PRKCD: variants seen among roughly 807,000 people sequenced by gnomAD.
The protein encoded by PRKCD is protein kinase C delta type.
Under a neutral mutation model 82.2 loss-of-function variants are expected in PRKCD, and 20 were observed. That is an observed-to-expected ratio of 0.24 (90% confidence interval 0.17 to 0.35). The LOEUF (loss-of-function observed/expected upper bound fraction) is 0.35, where lower values mean the gene tolerates loss of function less well. Ranked by LOEUF, PRKCD falls within the 10% of genes least tolerant of loss-of-function variation. PRKCD has a pLI of 1.00. For missense variants in PRKCD, 607 were observed against 899.0 expected, an observed-to-expected ratio of 0.68 and a Z score of 4.15; for synonymous variants, 317 against 337.0, an observed-to-expected ratio of 0.94 and a Z score of 0.65.
intron 7 of PRKCD, chr3:53,182,043 G>A (rs1436816183): frequency 3.8e-6 from 2 of 526,486 alleles, no homozygotes; most frequent in East Asian, 8.7e-5. Context: ...CCTCGGAGAG[G>A]CAATGATAGG....
chr3:53,189,165 T>A lies in PRKCD; in HGVS notation c.1662T>A (p.Asp554Glu). Residue 554 changes from aspartate (D) to glutamate (E), a missense_variant, in exon 17 of 19, where the codon GAT (aspartate) becomes GAA (glutamate). By Grantham distance (45) the Asp-to-Glu change is conservative. Transcript: ENST00000330452. ...GQSPFHGDDE[D>E]ELFESIRVDT... ...CCCCCTTCCATGGTGATGATGAGGA[T>A]GAACTCTTCGAGTCCATCCGTGTGG... is the stretch of plus-strand genomic sequence containing the variant. The A allele has an allele frequency of 6.2e-7, 1 of 1,614,162 alleles. No individual in the cohort carries two copies. The highest frequency in any genetic ancestry group is 8.5e-7 in the Non-Finnish European group (1 of 1,180,028).
rs782642410 is a variant in PRKCD at position 53,181,283 on chromosome 3, G to A, written c.376+16G>A. ...GAGGACGTGGGTAAGAACTCCCTGG[G>A]GGTGGAGGGCTCCCTTGCCGGGTTC... On this transcript the variant is annotated intron_variant, in intron 5 of 18. Coordinates refer to ENST00000330452, the MANE Select transcript of PRKCD (RefSeq NM_006254.4). 1 of 1,613,462 alleles carries A rather than the reference G, an allele frequency of 6.2e-7. No individual in the cohort carries two copies. Among genetic ancestry groups the A allele is most frequent in the South Asian group, 1.1e-5 (1 of 90,998 alleles).
chr3:53,184,196 G>A (rs560108337), intron 9 of PRKCD, among the ~76,000 whole-genome samples: 5 of 152,064 alleles, frequency 3.3e-5, no homozygotes, highest in South Asian at 2.1e-4. Context: ...TTAGCCTGGC[G>A]TGGTGGCGGG....
rs1703617550 is a variant in PRKCD at position 53,184,962 on chromosome 3, C to T, written c.876C>T (p.Asn292=). The T allele has an allele frequency of 3.1e-6, 5 of 1,613,892 alleles. No individual in the cohort carries two copies. The South Asian group carries it at 5.5e-5, about 18-fold the overall frequency. Residue 292 remains asparagine, a synonymous_variant, in exon 10 of 19, where the codon AAC becomes AAT. Coordinates refer to ENST00000330452, the MANE Select transcript of PRKCD (RefSeq NM_006254.4). The stretch of plus-strand genomic sequence containing the variant: ...AGAAGCTTTTGGCTGAGGCCTTGAA[C>T]CAAGTCACCCAGGTGGGCAGGTGCC... ...INQKLLAEAL[N]QVTQRASRRS...
chr3:53,169,772 C>T lies in PRKCD; in HGVS notation c.-20+4557C>T, dbSNP rs960183882. Among the ~76,000 whole-genome samples, 1 of 152,210 alleles carries T rather than the reference C, an allele frequency of 6.6e-6. No homozygotes were observed. The highest frequency in any genetic ancestry group is 6.5e-5 in the Admixed American group (1 of 15,286). ...GCTTCAGCCCAGTTCTGCCCAGAGC[C>T]TCAGGCCAGAACAGGGCACCCTGCG... On this transcript the variant is annotated intron_variant, in intron 2 of 18. Transcript: ENST00000330452. This position sits in a 1 kb window ranked among gnomAD's most constrained non-coding sequence, Gnocchi z 4.7.
chr3:53,171,521 G>T (rs782254757), intron 2 of PRKCD, among the ~76,000 whole-genome samples: 1 of 152,210 alleles, frequency 6.6e-6, no homozygotes, highest in Admixed American at 6.5e-5. Context: ...CACTGCCTGC[G>T]TGGCGCATCC....
In PRKCD at chr3:53,179,340, T is replaced by A. The variant is rs117272343; in HGVS notation, c.116-237T>A. The A allele has an allele frequency of 8.3e-5, 53 of 638,158 alleles. No individual in the cohort carries two copies. In the East Asian group the frequency reaches 1.5e-3, roughly 19 times the overall value. The allele number at this position is 638,158 out of a possible 1,614,324, so 39.5% of individuals were successfully genotyped here. A position where few individuals can be genotyped will look rare whatever the true frequency, so the allele number is the denominator to read the frequency against. On this transcript the variant is annotated intron_variant, in intron 3 of 18. Transcript: ENST00000330452. ...ATGAATGCATAAGGGCAGGCGACAT[T>A]TAAATGGAGCTGGAGCAAGAGGATC...
chr3:53,182,785 G>A lies in PRKCD; in HGVS notation c.572-336G>A, dbSNP rs77791669. ...GTGTAAGAGAGGGCATTTAGGAGCC[G>A]TTTGCTATCCCAGGGCTTGGAAGAA... On this transcript the variant is annotated intron_variant, in intron 7 of 18. Coordinates refer to ENST00000330452, the MANE Select transcript of PRKCD (RefSeq NM_006254.4). 3.7e-3 allele frequency among the ~76,000 whole-genome samples: 559 copies of A among 152,294 alleles called. 4 individuals are homozygous for A. Among genetic ancestry groups the A allele is most frequent in the African/African-American group, 0.013 (539 of 41,544 alleles).
At chr3:53,175,329 A>G (rs1553665674) in intron 2 of PRKCD, among the ~76,000 whole-genome samples, 1 of 152,172 alleles carries the variant, frequency 6.6e-6, no homozygotes, top group Non-Finnish European at 1.5e-5. Flanking sequence ...GGAGGTGCAC[A>G]GTGAGGGATG....
chr3:53,181,666 C>G lies in PRKCD; in HGVS notation c.540-35C>G, dbSNP rs57188310. The G allele has an allele frequency of 2.2e-3, 3,558 of 1,612,500 alleles. 61 individuals carry two copies. In the African/African-American group the frequency reaches 0.043, roughly 19 times the overall value. On this transcript the variant is annotated intron_variant, in intron 6 of 18. Coordinates refer to ENST00000330452, the MANE Select transcript of PRKCD (RefSeq NM_006254.4). ...GGGTAGTGGGGGCCGATCCCGGTCC[C>G]CGCTCACTCACTTTGCCTGGGTTTT...
At chr3:53,173,216 A>G (rs1221946132) in intron 2 of PRKCD, among the ~76,000 whole-genome samples, 1 of 152,214 alleles carries the variant, frequency 6.6e-6, no homozygotes, top group Non-Finnish European at 1.5e-5. Context: ...TGCAGCACAC[A>G]TACTTGTCTG....
At position 53,183,180 on chromosome 3, in the gene PRKCD, A is replaced by G; in HGVS notation, c.631A>G (p.Thr211Ala). The change falls in exon 8 of 19, where the codon ACC becomes GCC. Residue 211 changes from threonine (T) to alanine (A), a missense_variant. Around this residue, in one of 5 missense-constraint regions of PRKCD, gnomAD observed 109 missense variants for 155.6 expected, o/e 0.70. Coordinates refer to ENST00000330452, the MANE Select transcript of PRKCD (RefSeq NM_006254.4). ...CAAGATCATCGGCAGATGCACTGGC[A>G]CCGCGGCCAACAGCCGGGACACTAT... ...IDKIIGRCTG[T>A]AANSRDTIFQ... 6.2e-7 allele frequency: 1 copy of G among 1,614,160 alleles called. No homozygotes were observed. Among genetic ancestry groups the G allele is most frequent in the East Asian group, 2.2e-5 (1 of 44,878 alleles).
intron 4 of PRKCD, among the ~76,000 whole-genome samples, chr3:53,180,493 T>C (rs546340758): frequency 6.6e-6 from 1 of 152,352 alleles, no homozygotes; most frequent in South Asian, 2.1e-4. Flanking sequence ...AGAAGTCCCC[T>C]GGGGTTACAT....
In PRKCD at chr3:53,192,116, C is replaced by T. The variant is rs199634315; in HGVS notation, c.1881C>T (p.Pro627=). 3 of 1,613,978 alleles carry T rather than the reference C, an allele frequency of 1.9e-6. No homozygotes were observed. The highest frequency in any genetic ancestry group is 1.7e-6 in the Non-Finnish European group (2 of 1,179,978). ...CTGCCCTCTGCTTGTAGAAGTCACC[C>T]AGAGACTACAGTAACTTTGACCAGG... ...EPPFRPKVKS[P]RDYSNFDQEF... is the part of the protein sequence containing the mutation. The change falls in exon 19 of 19, where the codon CCC becomes CCT. Residue 627 remains proline, a synonymous_variant. Coordinates refer to ENST00000330452, the MANE Select transcript of PRKCD (RefSeq NM_006254.4).
chr3:53,189,875 C>T lies in PRKCD; in HGVS notation c.1746C>T (p.Leu582=), dbSNP rs1703858965. The T allele has an allele frequency of 6.2e-7, 1 of 1,614,050 alleles. No homozygotes were observed. The highest frequency in any genetic ancestry group is 8.5e-7 in the Non-Finnish European group (1 of 1,180,028). Residue 582 remains leucine, a splice_region_variant and synonymous_variant, in exon 18 of 19, where the codon CTC becomes CTT. Transcript: ENST00000330452. Reference sequence around the variant, plus strand: ...CCAGGGTCCCTGCTGGGTTGCAGCTCTTTGAAAGGGAACCAACCAAGAGGC... The same window carrying T: ...CCAGGGTCCCTGCTGGGTTGCAGCTTTTTGAAAGGGAACCAACCAAGAGGC... The part of the protein sequence containing the change: ...TKESKDILEK[L]FEREPTKRLG...
intron 2 of PRKCD, among the ~76,000 whole-genome samples, chr3:53,171,317 C>G (rs782679022): frequency 2.6e-5 from 4 of 152,204 alleles, no homozygotes; most frequent in Non-Finnish European, 4.4e-5. Flanking sequence ...CAAGGAGGCC[C>G]TACCCCACAC....
At chr3:53,185,418 A>C (rs1268114642) in intron 10 of PRKCD, among the ~76,000 whole-genome samples, 186 bp from the exon 11 acceptor site, 5 of 152,232 alleles carry the variant, frequency 3.3e-5, no homozygotes, top group African/African-American at 1.2e-4. Context: ...TCAGACCACC[A>C]AGGCTTCTCT....
chr3:53,183,096 C>T, intron 7 of PRKCD, 25 bp from the exon 8 acceptor site: 1 of 1,613,092 alleles, frequency 6.2e-7, no homozygotes, highest in Non-Finnish European at 8.5e-7. Flanking sequence ...TTCCCTTCCC[C>T]CTCCTGGGCC....
At chr3:53,178,829 A>G (rs1377065460) in intron 3 of PRKCD, among the ~76,000 whole-genome samples, 2 of 152,168 alleles carry the variant, frequency 1.3e-5, no homozygotes, top group African/African-American at 4.8e-5. Context: ...TGTGCGGGGC[A>G]CTGAGGATAC....
Sources: gnomAD v4.1 joint callset for allele counts (sites outside exome capture counted in the v4.1 genomes callset) on GRCh38, gnomAD v4.1.1 for gene constraint, gnomAD v4.1.1 regional missense constraint, Gnocchi (gnomAD v3.1) non-coding constraint, MANE v1.5 for transcripts, NCBI Gene and HGNC (gene_info 2026-07-23, HGNC 2026-07-21) for gene names.